The following CCDC159 variants were observed in gnomAD, a reference collection of about 807,000 sequenced individuals.
The protein encoded by CCDC159 is coiled-coil domain-containing protein 159.
A neutral mutation model predicts 50.9 loss-of-function variants in CCDC159; 40 were observed. The ratio of observed to expected loss-of-function variants is 0.79; its 90% CI spans 0.61 to 1.02. The LOEUF (loss-of-function observed/expected upper bound fraction) is 1.02, where lower values mean the gene tolerates loss of function less well. CCDC159 is among the 50% of genes least tolerant of loss of function. CCDC159 has a pLI of 0.00. For synonymous variants in CCDC159, 146 were observed against 138.9 expected (o/e 1.05, Z -0.36); for missense variants, 356 against 371.5 (o/e 0.96, Z 0.34).
At position 11,350,975 on chromosome 19, in the gene CCDC159, C is replaced by T. The variant is rs1270115526; in HGVS notation, c.394C>T (p.Gln132Ter). ...GCGGGCCCGCACCACTCGCTGCCTG[C>T]AGCTGCTGGCCCAGGAGATCCGGGA... ...MQRARTTRCL[Q>*]LLAQEIRDSK... Residue 132 changes from glutamine to a stop codon, truncating the protein, a stop_gained, in exon 5 of 11, where the codon CAG becomes TAG. Transcript: ENST00000458408. LOFTEE classifies it high-confidence loss of function. 1 of 1,552,792 alleles carries T rather than the reference C, an allele frequency of 6.4e-7. No individual in the cohort carries two copies. The highest frequency in any genetic ancestry group is 2.0e-5 in the Admixed American group (1 of 51,198).
At chr19:11,351,752 A>C in intron 5 of CCDC159, 154 bp from the exon 6 acceptor site, 1 of 509,602 alleles carries the variant, frequency 2.0e-6, no homozygotes, top group Non-Finnish European at 3.3e-6. Context: ...GAGGAGGGGG[A>C]TGAGGGTAGG....
intron 1 of CCDC159, chr19:11,349,192 T>A (rs1323380807): frequency 2.2e-6 from 3 of 1,338,334 alleles, no homozygotes; most frequent in African/African-American, 1.5e-5. Context: ...ACAACGTAGC[T>A]AAGGTCACCC....
At position 11,354,709 on chromosome 19, in the gene CCDC159, C is replaced by T. The variant is rs776002572; in HGVS notation, c.889+13C>T. The T allele has an allele frequency of 3.7e-6, 6 of 1,606,118 alleles. No individual in the cohort carries two copies. In the South Asian group the frequency reaches 6.7e-5, roughly 18 times the overall value. ...TCCTTCCCACCCGGTGCAGATCCTCCCCAGTCCCCCCCTCCACCCATTTCC... is the reference window on the plus strand; with the variant it reads ...TCCTTCCCACCCGGTGCAGATCCTCTCCAGTCCCCCCCTCCACCCATTTCC... On this transcript the variant is annotated intron_variant, in intron 10 of 10. Transcript: ENST00000458408.
intron 4 of CCDC159, 96 bp from the exon 5 acceptor site, chr19:11,350,712 A>G (rs1967521798): frequency 8.0e-7 from 1 of 1,249,698 alleles, no homozygotes; most frequent in Non-Finnish European, 1.1e-6. Flanking sequence ...GGCCAGGGTG[A>G]GGGAAATTGG....
chr19:11,351,606 C>A, intron 5 of CCDC159: 1 of 257,782 alleles, frequency 3.9e-6, no homozygotes, highest in Non-Finnish European at 6.9e-6. Context: ...AGGGGGATGG[C>A]AGGGAAGACT....
At chr19:11,346,648 T>C in intron 1 of CCDC159, 21 bp downstream of exon 1, 1 of 1,551,004 alleles carries the variant, frequency 6.4e-7, no homozygotes, top group Non-Finnish European at 8.7e-7. Context: ...GGTGGGGTTC[T>C]GGAGCCTGGC....
chr19:11,353,990 C>T, intron 9 of CCDC159, 116 bp downstream of exon 9: 1 of 789,898 alleles, frequency 1.3e-6, no homozygotes, highest in African/African-American at 1.7e-5. Context: ...TCTATGGTCA[C>T]ATTAAGTAGT....
rs755518502 is a variant in CCDC159, at chr19:11,353,842, C to T, written c.740C>T (p.Ser247Leu). 6.6e-5 allele frequency: 105 copies of T among 1,592,332 alleles called. 1 individual carries two copies. The South Asian group carries it at 8.1e-4, about 12-fold the overall frequency. The change falls in exon 9 of 11, where the codon TCG becomes TTG. Residue 247 changes from serine (S) to leucine (L), a missense_variant. Physicochemically the swap from Ser to Leu is moderately radical, Grantham distance 145. Transcript: ENST00000458408. Reference protein sequence around the residue: ...QNSIDSLTLCSGACPKASSLR... With the variant: ...QNSIDSLTLCLGACPKASSLR... ...TCCATAGACAGCCTCACTTTGTGCT[C>T]GGGGGCCTGTCCCAAGGCCTCGAGC...
intron 3 of CCDC159, 22 bp from the exon 4 acceptor site, chr19:11,350,096 A>G (rs1967486704): frequency 1.9e-6 from 3 of 1,611,694 alleles, no homozygotes; most frequent in African/African-American, 1.3e-5. Context: ...CTCCCACCCC[A>G]AGGCTGACCT....
At chr19:11,350,721 G>A in intron 4 of CCDC159, 87 bp from the exon 5 acceptor site, 1 of 1,321,082 alleles carries the variant, frequency 7.6e-7, no homozygotes, top group Non-Finnish European at 1.0e-6. Context: ...GAGGGAAATT[G>A]GGAGAGTCTG....
intron 1 of CCDC159, chr19:11,349,239 C>A: frequency 8.6e-7 from 1 of 1,166,922 alleles, no homozygotes; most frequent in South Asian, 1.3e-5. Context: ...AAAACCACTG[C>A]AATCTACTGC....
Position 11,346,573 on chromosome 19 carries a change from G to A in CCDC159, c.-34G>A. 1.3e-6 allele frequency: 2 copies of A among 1,551,452 alleles called. No homozygotes were observed. The highest frequency in any genetic ancestry group is 1.7e-6 in the Non-Finnish European group (2 of 1,146,792). On this transcript the variant is annotated 5_prime_UTR_variant, in exon 1 of 11. Coordinates refer to ENST00000458408, the MANE Select transcript of CCDC159 (RefSeq NM_001080503.3). ...GGTGTCCCCGCGGGATCAAACTTCA[G>A]CGTCACAGCTGAGGACTGGCTTCGT...
At position 11,350,977 on chromosome 19, in the gene CCDC159, G is replaced by A; in HGVS notation, c.396G>A (p.Gln132=). ...GGGCCCGCACCACTCGCTGCCTGCA[G>A]CTGCTGGCCCAGGAGATCCGGGACA... is the stretch of plus-strand genomic sequence containing the variant. ...MQRARTTRCL[Q]LLAQEIRDSK... Residue 132 remains glutamine (Q), a synonymous_variant, in exon 5 of 11, where the codon CAG becomes CAA. Coordinates refer to ENST00000458408, the MANE Select transcript of CCDC159 (RefSeq NM_001080503.3). The A allele has an allele frequency of 6.4e-7, 1 of 1,553,306 alleles. No homozygotes were observed. The highest frequency in any genetic ancestry group is 2.4e-5 in the East Asian group (1 of 41,132).
chr19:11,354,817 C>G, intron 10 of CCDC159, 56 bp from the exon 11 acceptor site: 1 of 1,612,382 alleles, frequency 6.2e-7, no homozygotes, highest in South Asian at 1.1e-5. Flanking sequence ...CCCTGACCTG[C>G]AGCCCCGGAG....
intron 9 of CCDC159, 33 bp downstream of exon 9, chr19:11,353,907 A>T: frequency 6.6e-7 from 1 of 1,517,322 alleles, no homozygotes; most frequent in Non-Finnish European, 8.9e-7. Flanking sequence ...CAGGGGTGGG[A>T]GGTCATTGTC....
Position 11,350,812 on chromosome 19 carries a change from G to T in CCDC159, c.231G>T (p.Val77=). The T allele has an allele frequency of 6.5e-7, 1 of 1,547,000 alleles. No homozygotes were observed. Among genetic ancestry groups the T allele is most frequent in the Non-Finnish European group, 8.7e-7 (1 of 1,145,804 alleles). ...QQIKIQQLEE[V]LSPTGRQGEK... is the part of the protein sequence containing the mutation. ...AAGGTCCCACACTCTCTGCAGAGGTGCTGAGCCCCACAGGCCGCCAGGGAG... is the reference window on the plus strand; with the variant it reads ...AAGGTCCCACACTCTCTGCAGAGGTTCTGAGCCCCACAGGCCGCCAGGGAG... The change falls in exon 5 of 11, where the codon GTG becomes GTT. Residue 77 remains valine (V), a synonymous_variant. Transcript: ENST00000458408.
In CCDC159 at chr19:11,351,005, T is replaced by G; in HGVS notation, c.422+2T>G. The stretch of plus-strand genomic sequence containing the variant: ...GCTGGCCCAGGAGATCCGGGACAGG[T>G]CGGGGATGGCGGGAGGGCAGCTTGG... On this transcript the variant is annotated splice_donor_variant, in intron 5 of 10. Transcript: ENST00000458408. LOFTEE classifies it high-confidence loss of function. 6.5e-7 allele frequency: 1 copy of G among 1,534,736 alleles called. No individual in the cohort carries two copies. Among genetic ancestry groups the G allele is most frequent in the Non-Finnish European group, 8.8e-7 (1 of 1,138,614 alleles).
At chr19:11,354,430 T>G in intron 9 of CCDC159, 150 bp from the exon 10 acceptor site, 1 of 724,876 alleles carries the variant, frequency 1.4e-6, no homozygotes, top group Non-Finnish European at 2.2e-6. Flanking sequence ...CAAGGGTCAT[T>G]GAAGTCATAA....
At chr19:11,346,682 G>A (rs1001271723) in intron 1 of CCDC159, 55 bp downstream of exon 1, 1 of 1,539,064 alleles carries the variant, frequency 6.5e-7, no homozygotes, top group Middle Eastern at 1.7e-4. Flanking sequence ...ACAACCCAGG[G>A]GGCGGAGCCA....
Sources: gnomAD v4.1 joint callset for allele counts on GRCh38, gnomAD v4.1.1 for gene constraint, MANE v1.5 for transcripts, NCBI Gene and HGNC (gene_info 2026-07-23, HGNC 2026-07-21) for gene names.